Variants in VPS37A observed in about 807,000 individuals in gnomAD.
VPS37A encodes vacuolar protein sorting-associated protein 37A.
In VPS37A, 30 loss-of-function variants were observed where a neutral mutation model predicts 49.8. That is an observed-to-expected ratio of 0.60 (90% CI 0.45 to 0.82). The LOEUF (loss-of-function observed/expected upper bound fraction) is 0.82, where lower values mean the gene tolerates loss of function less well. Ranked by LOEUF, VPS37A falls within the 40% of genes least tolerant of loss-of-function variation. VPS37A has a pLI of 0.00. For synonymous variants in VPS37A, 195 were observed against 160.6 expected (o/e 1.21, Z -1.62); for missense variants, 593 against 464.4 (o/e 1.28, Z -2.55).
intron 1 of VPS37A, among the ~76,000 whole-genome samples, chr8:17,264,177 A>G (rs1006638954): frequency 5.9e-5 from 9 of 152,278 alleles, no homozygotes; most frequent in East Asian, 1.9e-4. Flanking sequence ...ATGACAGTAA[A>G]TAAATGGTAA....
intron 9 of VPS37A, 88 bp from the exon 10 acceptor site, chr8:17,284,385 C>A: frequency 6.9e-7 from 1 of 1,440,110 alleles, no homozygotes; most frequent in Non-Finnish European, 9.1e-7. Flanking sequence ...AATAAATTGC[C>A]TCTCCATACC....
chr8:17,250,439 A>G (rs746285129), intron 1 of VPS37A, among the ~76,000 whole-genome samples: 3 of 152,184 alleles, frequency 2.0e-5, no homozygotes, highest in Non-Finnish European at 4.4e-5. Flanking sequence ...GTTTTTTCCT[A>G]TGAACAGTAC....
intron 1 of VPS37A, among the ~76,000 whole-genome samples, chr8:17,256,551 A>T (rs1812479410): frequency 1.3e-5 from 2 of 151,860 alleles, no homozygotes; most frequent in Non-Finnish European, 2.9e-5. Context: ...ATCCTTTGTC[A>T]GATGGATAGT....
At chr8:17,253,526 A>G (rs773837715) in intron 1 of VPS37A, among the ~76,000 whole-genome samples, 1 of 152,242 alleles carries the variant, frequency 6.6e-6, no homozygotes, top group Non-Finnish European at 1.5e-5. Context: ...TATATGGCAA[A>G]GGCTATGGAG....
In VPS37A at chr8:17,247,025, C is replaced by G. The variant is rs999926501; in HGVS notation, c.-220C>G. ...GGCCGTGAAGGTGGGACCTCCTGTT[C>G]CGGGCCGCAAGTTTCCCTCTCCAGC... On this transcript the variant is annotated 5_prime_UTR_variant, in exon 1 of 12. Coordinates refer to ENST00000324849, the MANE Select transcript of VPS37A (RefSeq NM_152415.3). The G allele has an allele frequency of 6.5e-6, 4 of 614,408 alleles. No individual in the cohort carries two copies. The highest frequency in any genetic ancestry group is 5.6e-5 in the African/African-American group (3 of 53,770). The allele number at this position is 614,408 out of a possible 1,614,324, so 38.1% of individuals were successfully genotyped here.
At chr8:17,263,059 CA>C (rs11311080) in intron 1 of VPS37A, among the ~76,000 whole-genome samples, 32,491 of 92,494 alleles carry the variant, frequency 0.35, 4,130 homozygotes, top group East Asian at 0.62. Flanking sequence ...AACCCCATCT[CA>C]AAAAAAAAAA....
rs1414116518 is a variant in VPS37A, at chr8:17,271,441, TA to T, written c.416+2490del. The stretch of plus-strand genomic sequence containing the variant: ...TAACACGGTGAAACCTCGTCTCTAC[TA>T]AAAATACAAAAAAGTTAGCTGGGCA... On this transcript the variant is annotated intron_variant, in intron 4 of 11. Coordinates refer to ENST00000324849, the MANE Select transcript of VPS37A (RefSeq NM_152415.3). Among the ~76,000 whole-genome samples, 5 of 152,146 alleles carry T rather than the reference TA, an allele frequency of 3.3e-5. No individual in the cohort carries two copies. In the East Asian group the frequency reaches 9.7e-4, roughly 30 times the overall value.
downstream of VPS37A, among the ~76,000 whole-genome samples, chr8:17,304,038 A>G (rs1196975816): frequency 2.6e-5 from 4 of 152,238 alleles, no homozygotes; most frequent in African/African-American, 9.6e-5. Context: ...TTAACACGTC[A>G]TGATCACTGT....
the VPS37A span, among the ~76,000 whole-genome samples, chr8:17,330,601 C>T: frequency 4.6e-5 from 7 of 152,176 alleles, no homozygotes; most frequent in East Asian, 3.9e-4. Flanking sequence ...CCTGTCCACA[C>T]GAGTATATAA....
At chr8:17,283,947 T>C (rs1320627883) in intron 9 of VPS37A, among the ~76,000 whole-genome samples, 1 of 152,234 alleles carries the variant, frequency 6.6e-6, no homozygotes, top group Admixed American at 6.5e-5. Flanking sequence ...ATTAAATCTT[T>C]CAACCCATAA....
rs1345697933 is a variant in VPS37A at position 17,297,040 on chromosome 8, A to AT, written c.*2060dup. Reference sequence around the variant, plus strand: ...TTTTTGCAACAGAGATTAAGTGACCATTTTTTCTAATTTTATGGCTATATA... The same window carrying AT: ...TTTTTGCAACAGAGATTAAGTGACCATTTTTTTCTAATTTTATGGCTATATA... On this transcript the variant is annotated 3_prime_UTR_variant, in exon 12 of 12. Coordinates refer to ENST00000324849, the MANE Select transcript of VPS37A (RefSeq NM_152415.3). 6.6e-6 allele frequency: 1 copy of AT among 152,130 alleles called. No homozygotes were observed. Among genetic ancestry groups the AT allele is most frequent in the African/African-American group, 2.4e-5 (1 of 41,442 alleles). The allele number at this position is 152,130 out of a possible 1,614,324, so 9.4% of individuals were successfully genotyped here.
chr8:17,332,235 G>A, the VPS37A span, among the ~76,000 whole-genome samples: 1 of 152,100 alleles, frequency 6.6e-6, no homozygotes, highest in East Asian at 1.9e-4. Flanking sequence ...AAAAATATCT[G>A]CTTTTAAAAG....
At chr8:17,302,408 A>G (rs1817177604), downstream of VPS37A, 4 of 1,011,884 alleles carry the variant, frequency 4.0e-6, no homozygotes, top group Non-Finnish European at 5.6e-6. Context: ...CAGCCTCAAA[A>G]AAGCCACTAC....
chr8:17,302,153 C>A (rs750813288), downstream of VPS37A: 1 of 1,614,070 alleles, frequency 6.2e-7, no homozygotes, highest in Non-Finnish European at 8.5e-7. Context: ...GTATGTCTTA[C>A]TTCTTCCAGG....
chr8:17,302,284 G>C, downstream of VPS37A: 3 of 1,612,300 alleles, frequency 1.9e-6, no homozygotes, highest in South Asian at 3.3e-5. Flanking sequence ...CCAAAACCTG[G>C]AAAGGATGGC....
At chr8:17,264,403 C>G (rs1813258668) in intron 1 of VPS37A, among the ~76,000 whole-genome samples, 1 of 152,132 alleles carries the variant, frequency 6.6e-6, no homozygotes, top group Admixed American at 6.5e-5. Flanking sequence ...GTTTTTCAGT[C>G]CAAACCTAAT....
At chr8:17,304,450 CA>C, downstream of VPS37A, 2 of 1,614,098 alleles carry the variant, frequency 1.2e-6, no homozygotes, top group Non-Finnish European at 1.7e-6. Context: ...CAGCTCTAAA[CA>C]GAGGATTCAG....
In VPS37A at chr8:17,247,316, C is replaced by G. The variant is rs977660903; in HGVS notation, c.72C>G (p.Ser24Arg). 2.6e-6 allele frequency: 4 copies of G among 1,562,606 alleles called. No individual in the cohort carries two copies. In the African/African-American group the frequency reaches 4.1e-5, roughly 16 times the overall value. ...CTGGGTCCCCCGGTGGCCTCACCAG[C>G]CTCCAGCAGCAGAAGCAGCGCCTGA... The part of the protein sequence containing the change: ...SAAGSPGGLT[S>R]LQQQKQRLIE... The change falls in exon 1 of 12, where the codon AGC becomes AGG. Residue 24 changes from serine (S) to arginine (R), a missense_variant. Physicochemically the swap from Ser to Arg is moderately radical, Grantham distance 110. Transcript: ENST00000324849.
chr8:17,282,318 G>C (rs1199914578), intron 9 of VPS37A, among the ~76,000 whole-genome samples: 2 of 152,006 alleles, frequency 1.3e-5, no homozygotes, highest in East Asian at 3.9e-4. Context: ...TTAGAAAAAG[G>C]TTAGATCATT....
Sources: allele counts gnomAD v4.1 joint callset (sites outside exome capture counted in the v4.1 genomes callset), GRCh38; gene constraint gnomAD v4.1.1; transcripts MANE v1.5; gene names NCBI Gene and HGNC (gene_info 2026-07-23, HGNC 2026-07-21).